Variants in TRAPPC9 observed in about 807,000 individuals in gnomAD.
The protein encoded by TRAPPC9 is trafficking protein particle complex subunit 9, also known as IKK2 binding protein.
Under a neutral mutation model 124.0 loss-of-function variants are expected in TRAPPC9, and 83 were observed. The observed-to-expected ratio is 0.67, with a 90% CI of 0.56 to 0.80. The LOEUF (loss-of-function observed/expected upper bound fraction) is 0.80. Ranked by LOEUF, TRAPPC9 falls within the 30% of genes least tolerant of loss-of-function variation. The pLI is 0.00. For missense variants in TRAPPC9, 1,302 were observed against 1,508.3 expected, an observed-to-expected ratio of 0.86 and a Z score of 2.27; for synonymous variants, 638 against 617.5, an observed-to-expected ratio of 1.03 and a Z score of -0.49.
At chr8:140,272,889 G>T (rs1421459459) in intron 15 of TRAPPC9, among the ~76,000 whole-genome samples, 2 of 140,400 alleles carry the variant, frequency 1.4e-5, no homozygotes, top group African/African-American at 5.5e-5. Flanking sequence ...CTCCAACACT[G>T]GGGATGATAC....
At chr8:139,755,382 G>C (rs545519415) in intron 21 of TRAPPC9, among the ~76,000 whole-genome samples, 23 of 150,442 alleles carry the variant, frequency 1.5e-4, no homozygotes, top group African/African-American at 4.7e-4. Context: ...GCCAGGGTTG[G>C]GGATGAGGAC....
At chr8:140,132,321 C>T (rs181405101) in intron 17 of TRAPPC9, among the ~76,000 whole-genome samples, 5 of 152,222 alleles carry the variant, frequency 3.3e-5, no homozygotes, top group East Asian at 3.9e-4. Flanking sequence ...AAAAAGGGGC[C>T]GAAACCACGT....
chr8:139,952,055 T>C (rs911816334), intron 19 of TRAPPC9, among the ~76,000 whole-genome samples: 2 of 152,242 alleles, frequency 1.3e-5, no homozygotes, highest in Non-Finnish European at 2.9e-5. Flanking sequence ...AAGGAAATAA[T>C]CATCTCCTCA....
At chr8:139,891,030 A>G (rs1424369726) in intron 20 of TRAPPC9, among the ~76,000 whole-genome samples, 1 of 152,160 alleles carries the variant, frequency 6.6e-6, no homozygotes, top group Non-Finnish European at 1.5e-5. Context: ...ATGCCTGAGT[A>G]AACGGCAACC....
intron 18 of TRAPPC9, among the ~76,000 whole-genome samples, chr8:139,990,617 A>G (rs531973355): frequency 6.6e-6 from 1 of 150,606 alleles, no homozygotes; most frequent in African/African-American, 2.4e-5. Context: ...ACAGAGTCTC[A>G]CTCTTGTCGT....
At chr8:139,890,611 TCA>T (rs1476933864) in intron 20 of TRAPPC9, among the ~76,000 whole-genome samples, 1 of 152,152 alleles carries the variant, frequency 6.6e-6, no homozygotes, top group Non-Finnish European at 1.5e-5. Flanking sequence ...GTCTGTTTTC[TCA>T]GTTTTCAAAT....
intron 17 of TRAPPC9, among the ~76,000 whole-genome samples, chr8:140,044,914 A>G (rs1841493736): frequency 1.3e-5 from 2 of 152,232 alleles, no homozygotes; most frequent in African/African-American, 2.4e-5. Context: ...ACGCAGTAAT[A>G]TAGTCTACGT....
chr8:140,354,306 C>T (rs1588204649), intron 9 of TRAPPC9, among the ~76,000 whole-genome samples: 1 of 152,296 alleles, frequency 6.6e-6, no homozygotes, highest in Non-Finnish European at 1.5e-5. Context: ...GCCACAGAAG[C>T]TCTGTGCCCA....
At chr8:139,809,799 G>T (rs1321347812) in intron 21 of TRAPPC9, among the ~76,000 whole-genome samples, 1 of 152,060 alleles carries the variant, frequency 6.6e-6, no homozygotes. Flanking sequence ...CCATATAAAC[G>T]GCGGCCACCA....
intron 17 of TRAPPC9, chr8:140,095,394 G>A (rs964616059): frequency 1.3e-5 from 2 of 152,208 alleles, no homozygotes; most frequent in African/African-American, 2.4e-5. Flanking sequence ...TGGTTAGAAA[G>A]CTGATGACCG....
intron 21 of TRAPPC9, among the ~76,000 whole-genome samples, chr8:139,771,117 A>G (rs1017137711): frequency 3.9e-5 from 6 of 152,152 alleles, no homozygotes; most frequent in African/African-American, 1.4e-4. Context: ...GGGGGAGCTC[A>G]GATCCTTTGT....
chr8:140,227,251 G>T (rs767352785), intron 16 of TRAPPC9, among the ~76,000 whole-genome samples: 6 of 152,124 alleles, frequency 3.9e-5, no homozygotes, highest in South Asian at 2.1e-4. Context: ...CAGCTGGGGT[G>T]GGGTGGAGGG....
At chr8:140,365,302 G>T (rs2068076748) in intron 8 of TRAPPC9, among the ~76,000 whole-genome samples, 1 of 152,110 alleles carries the variant, frequency 6.6e-6, no homozygotes, top group Non-Finnish European at 1.5e-5. Context: ...GTCAGTAATG[G>T]CGTCCTGTGC....
At position 140,006,720 on chromosome 8, in the gene TRAPPC9, A is replaced by G. The variant is rs547455190; in HGVS notation, c.2699+17217T>C. 2.6e-5 allele frequency among the ~76,000 whole-genome samples: 4 copies of G among 152,370 alleles called. No homozygotes were observed. In the South Asian group the frequency reaches 8.3e-4, roughly 32 times the overall value. ...TCTTGAAAACAACACACCAAGTGAAAGAGGTTAGTCACTTGTTTCCATTTA... is the reference window on the plus strand; with the variant it reads ...TCTTGAAAACAACACACCAAGTGAAGGAGGTTAGTCACTTGTTTCCATTTA... On this transcript the variant is annotated intron_variant, in intron 18 of 22. Transcript: ENST00000438773.
intron 21 of TRAPPC9, among the ~76,000 whole-genome samples, chr8:139,827,626 C>T (rs539537760): frequency 2.6e-5 from 4 of 152,306 alleles, no homozygotes; most frequent in East Asian, 1.9e-4. Context: ...ACTGCGTGCC[C>T]GCACGTGACT....
chr8:140,452,409 G>A (rs2071496599), intron 1 of TRAPPC9, among the ~76,000 whole-genome samples: 1 of 120,162 alleles, frequency 8.3e-6, no homozygotes, highest in South Asian at 2.7e-4. Context: ...GACAGAGCCA[G>A]ACTGCATCTC....
At chr8:140,099,701 A>T (rs111539461) in intron 17 of TRAPPC9, 4,443 of 150,870 alleles carry the variant, frequency 0.029, 243 homozygotes, top group Admixed American at 0.15. Flanking sequence ...GAGTGCCGCA[A>T]TCCACAGGGT....
At chr8:139,996,408 T>TG (rs1838000551) in intron 18 of TRAPPC9, among the ~76,000 whole-genome samples, 1 of 151,822 alleles carries the variant, frequency 6.6e-6, no homozygotes, top group African/African-American at 2.4e-5. Context: ...GACCATGGGT[T>TG]GGGGGTGGTG....
chr8:139,792,894 A>C (rs13260415), intron 21 of TRAPPC9, among the ~76,000 whole-genome samples: 59,511 of 152,242 alleles, frequency 0.39, 13,784 homozygotes, highest in Non-Finnish European at 0.52. Flanking sequence ...AGAGGAATAC[A>C]GGGTCTCCAC....
Sources: gnomAD v4.1 joint callset for allele counts (sites outside exome capture counted in the v4.1 genomes callset) on GRCh38, gnomAD v4.1.1 for gene constraint, MANE v1.5 for transcripts, NCBI Gene and HGNC (gene_info 2026-07-23, HGNC 2026-07-21) for gene names.